PHC2: variants seen among roughly 807,000 people sequenced by gnomAD.
The protein encoded by PHC2 is polyhomeotic homolog 2, also known as polyhomeotic-like protein 2.
A neutral mutation model predicts 87.4 loss-of-function variants in PHC2; 29 were observed. That is an observed-to-expected ratio of 0.33 (90% CI 0.25 to 0.45). The LOEUF (loss-of-function observed/expected upper bound fraction) is 0.45. PHC2 is among the 20% of genes least tolerant of loss of function. The pLI is 1.00. For synonymous variants in PHC2, 438 were observed against 461.7 expected (o/e 0.95, Z 0.66); for missense variants, 857 against 1,136.7 (o/e 0.75, Z 3.54).
At position 33,334,376 on chromosome 1, in the gene PHC2, T is replaced by C. The variant is rs1646577174; in HGVS notation, c.1559-84A>G. ...AGGGAGGGACAGCAAGGACTCAAACTGCGCCCGGCTTTTACCGTGGGGCCA... is the reference window on the plus strand; with the variant it reads ...AGGGAGGGACAGCAAGGACTCAAACCGCGCCCGGCTTTTACCGTGGGGCCA... On this transcript the variant is annotated intron_variant, in intron 9 of 14. Transcript: ENST00000683057. This position sits in a 1 kb window ranked among gnomAD's most constrained non-coding sequence, Gnocchi z 5.5. The C allele has an allele frequency of 5.5e-6, 7 of 1,261,976 alleles. No individual in the cohort carries two copies. Among genetic ancestry groups the C allele is most frequent in the South Asian group, 1.3e-5 (1 of 78,084 alleles). The allele number at this position is 1,261,976 out of a possible 1,614,324, so 78.2% of individuals were successfully genotyped here.
intron 1 of PHC2, among the ~76,000 whole-genome samples, chr1:33,412,953 T>TTTG (rs1557847831): frequency 1.3e-5 from 2 of 151,748 alleles, no homozygotes; most frequent in African/African-American, 2.4e-5. Context: ...CTTGTTTTTT[T>TTTG]TTTGTTTGTT....
chr1:33,331,791 C>A lies in PHC2; in HGVS notation c.1892-329G>T. On this transcript the variant is annotated intron_variant, in intron 11 of 14. Transcript: ENST00000683057. This position sits in a 1 kb window ranked among gnomAD's most constrained non-coding sequence, Gnocchi z 5.2. ...GGAAATACTCTGGATGCTGTCACAG[C>A]TGCTCCGCTGGCATCATCACACCTT... The A allele has an allele frequency of 3.3e-6, 1 of 303,534 alleles. No homozygotes were observed. The highest frequency in any genetic ancestry group is 6.2e-6 in the Non-Finnish European group (1 of 162,348). 18.8% of individuals were successfully genotyped at this position (303,534 alleles called of 1,614,324 possible).
At chr1:33,426,184 A>C (rs1176168473) in intron 1 of PHC2, among the ~76,000 whole-genome samples, 1 of 152,250 alleles carries the variant, frequency 6.6e-6, no homozygotes, top group African/African-American at 2.4e-5. Flanking sequence ...CCTAAAGCCA[A>C]AAATGAGAGA....
chr1:33,370,433 C>A lies in PHC2; in HGVS notation c.564G>T (p.Leu188=), dbSNP rs746819084. ...ALTASQAQMY[L]RAQMLIFTPT... ...CATGGGTACTCACCATCTGTGCCCT[C>A]AGATACATCTGTGCTTGGCTTGCAG... Residue 188 remains leucine, a synonymous_variant, in exon 5 of 15, where the codon CTG becomes CTT. Coordinates refer to ENST00000683057, the MANE Select transcript of PHC2 (RefSeq NM_001385109.1). The A allele has an allele frequency of 6.2e-7, 1 of 1,613,646 alleles. No homozygotes were observed. The highest frequency in any genetic ancestry group is 1.7e-5 in the Admixed American group (1 of 60,000).
intron 1 of PHC2, among the ~76,000 whole-genome samples, chr1:33,401,140 C>T (rs1649508449): frequency 6.6e-6 from 1 of 152,128 alleles, no homozygotes; most frequent in South Asian, 2.1e-4. Flanking sequence ...TCCTGGCTAA[C>T]ATGGTGAAAC....
intron 14 of PHC2, among the ~76,000 whole-genome samples, 174 bp downstream of exon 14, chr1:33,328,695 AT>A (rs2148186993): frequency 6.6e-6 from 1 of 152,316 alleles, no homozygotes; most frequent in East Asian, 1.9e-4. Flanking sequence ...TTTGCATTCT[AT>A]GCTGAATATA....
chr1:33,338,397 A>G (rs573636182), intron 9 of PHC2, among the ~76,000 whole-genome samples: 2 of 152,362 alleles, frequency 1.3e-5, no homozygotes, highest in African/African-American at 4.8e-5. Context: ...GGAGAGACAG[A>G]ATCCAAGGGA....
At chr1:33,337,547 C>T (rs12138864) in intron 9 of PHC2, among the ~76,000 whole-genome samples, 79,892 of 151,966 alleles carry the variant, frequency 0.53, 22,757 homozygotes, top group African/African-American at 0.76. Context: ...CTCAGCTTCA[C>T]TGGCTGTGAA....
At chr1:33,420,940 A>G (rs1208876467) in intron 1 of PHC2, among the ~76,000 whole-genome samples, 1 of 152,204 alleles carries the variant, frequency 6.6e-6, no homozygotes, top group Non-Finnish European at 1.5e-5. Context: ...CTGTTTCTTC[A>G]TCTGTAAGAT....
chr1:33,404,672 C>T (rs1162096561), intron 1 of PHC2, among the ~76,000 whole-genome samples: 15 of 152,122 alleles, frequency 9.9e-5, no homozygotes, highest in Non-Finnish European at 1.5e-5. Flanking sequence ...AAATATTTAT[C>T]GAGCACTCTG....
At chr1:33,404,481 A>G (rs1649672666) in intron 1 of PHC2, among the ~76,000 whole-genome samples, 1 of 152,116 alleles carries the variant, frequency 6.6e-6, no homozygotes, top group South Asian at 2.1e-4. Context: ...CTATCTAATT[A>G]TTTTCCTCTC....
intron 1 of PHC2, among the ~76,000 whole-genome samples, chr1:33,404,196 A>G (rs1184191553): frequency 1.3e-5 from 2 of 152,220 alleles, no homozygotes; most frequent in African/African-American, 2.4e-5. Context: ...TTCTCAGTGA[A>G]TGGCACTGCC....
At position 33,377,472 on chromosome 1, in the gene PHC2, T is replaced by G. The variant is rs189951695; in HGVS notation, c.-54-1879A>C. On this transcript the variant is annotated intron_variant, in intron 1 of 14. Transcript: ENST00000683057. ...TCCCTTGAGGCTGTGTGCTTGGCAG[T>G]GGAGAGGGGTTGGGAAAGAAGGAAA... is the stretch of plus-strand genomic sequence containing the variant. Among the ~76,000 whole-genome samples, 30 of 152,162 alleles carry G rather than the reference T, an allele frequency of 2.0e-4. 1 individual carries two copies. The East Asian group carries it at 5.8e-3, about 30-fold the overall frequency.
chr1:33,391,534 C>T (rs1258242733), intron 1 of PHC2, among the ~76,000 whole-genome samples: 2 of 151,928 alleles, frequency 1.3e-5, no homozygotes, highest in African/African-American at 4.8e-5. Flanking sequence ...AAGATCTTTT[C>T]TTCTGAGTCT....
chr1:33,398,627 T>C (rs560325263), intron 1 of PHC2, among the ~76,000 whole-genome samples: 172 of 152,332 alleles, frequency 1.1e-3, no homozygotes, highest in African/African-American at 4.0e-3. Flanking sequence ...GATGCTCACT[T>C]CCCATCTGAA....
chr1:33,405,907 GTA>G (rs934459431), intron 1 of PHC2, among the ~76,000 whole-genome samples: 1 of 152,190 alleles, frequency 6.6e-6, no homozygotes, highest in African/African-American at 2.4e-5. Context: ...CTGTGATCCA[GTA>G]TAGAGTCAAC....
chr1:33,353,094 G>A (rs890358771), intron 9 of PHC2: 60 of 152,228 alleles, frequency 3.9e-4, no homozygotes, highest in African/African-American at 1.4e-3. Context: ...TCAATTTTGG[G>A]GACCAAACGT....
intron 14 of PHC2, among the ~76,000 whole-genome samples, chr1:33,326,872 C>G (rs1014771690): frequency 1.3e-5 from 2 of 152,082 alleles, no homozygotes; most frequent in Non-Finnish European, 2.9e-5. Flanking sequence ...TTGCTTGAAC[C>G]CAGGAGGCGG....
Position 33,367,315 on chromosome 1 carries a change from G to T in PHC2, c.777C>A (p.Ser259Arg). The stretch of plus-strand genomic sequence containing the variant: ...TCTGTGCTGGGGTAGGCAGAGGCTG[G>T]CTACCGCCCGGCGTGGGTTTCAGGG... ...SLALKPTPGG[S>R]QPLPTPAQSR... The change falls in exon 7 of 15, where the codon AGC (serine) becomes AGA (arginine). Residue 259 changes from serine (S) to arginine (R), a missense_variant. By Grantham distance (110) the Ser-to-Arg change is moderately radical (BLOSUM62 -1). This residue lies in a region of PHC2 where 832 missense variants were observed against 1,081.8 expected (regional missense o/e 0.77). Transcript: ENST00000683057. 1 of 1,613,710 alleles carries T rather than the reference G, an allele frequency of 6.2e-7. No individual in the cohort carries two copies. The highest frequency in any genetic ancestry group is 8.5e-7 in the Non-Finnish European group (1 of 1,179,730).
Sources: allele counts gnomAD v4.1 joint callset (sites outside exome capture counted in the v4.1 genomes callset), GRCh38; gene constraint gnomAD v4.1.1; regional missense constraint gnomAD v4.1.1; non-coding constraint Gnocchi (gnomAD v3.1); transcripts MANE v1.5; gene names NCBI Gene and HGNC (gene_info 2026-07-23, HGNC 2026-07-21).